TNR: variants seen among roughly 807,000 people sequenced by gnomAD.
TNR encodes tenascin R, also known as tenascin-R.
Under a neutral mutation model 150.4 loss-of-function variants are expected in TNR, and 45 were observed. That is an observed-to-expected ratio of 0.30 (90% CI 0.24 to 0.38). The LOEUF (loss-of-function observed/expected upper bound fraction) is 0.38. TNR is among the 10% of genes least tolerant of loss of function. The pLI is 1.00. For missense variants in TNR, 1,544 were observed against 1,759.1 expected, an observed-to-expected ratio of 0.88 and a Z score of 2.19; for synonymous variants, 687 against 678.4, an observed-to-expected ratio of 1.01 and a Z score of -0.20.
intron 1 of TNR, among the ~76,000 whole-genome samples, chr1:175,722,752 C>A (rs1461836556): frequency 6.7e-6 from 1 of 149,672 alleles, no homozygotes; most frequent in Non-Finnish European, 1.5e-5. Flanking sequence ...CAGGCATGAG[C>A]CACTGTGCCT....
Position 175,344,525 on chromosome 1 carries a change from C to A in TNR, c.3383-6846G>T, listed in dbSNP as rs188013380. Among the ~76,000 whole-genome samples the A allele has an allele frequency of 3.2e-4, 49 of 152,278 alleles. No homozygotes were observed. The East Asian group carries it at 8.5e-3, about 26-fold the overall frequency. On this transcript the variant is annotated intron_variant, in intron 18 of 22. Transcript: ENST00000367674. ...TATTATTGCTTGGCAAGATTCACTG[C>A]CTCCCTGTGGGGGATCACATGTCCC... is the stretch of plus-strand genomic sequence containing the variant.
At chr1:175,704,636 T>C (rs190352675) in intron 1 of TNR, among the ~76,000 whole-genome samples, 257 of 151,516 alleles carry the variant, frequency 1.7e-3, no homozygotes, top group African/African-American at 6.0e-3. Context: ...GCAGGGGAGG[T>C]GATGCAGAAG....
rs1651887569 is a variant in TNR, at chr1:175,367,233, C to A, written c.2028G>T (p.Val676=). 3.1e-6 allele frequency: 5 copies of A among 1,614,164 alleles called. No individual in the cohort carries two copies. Among genetic ancestry groups the A allele is most frequent in the Non-Finnish European group, 3.4e-6 (4 of 1,180,000 alleles). The change falls in exon 10 of 23, where the codon GTG becomes GTT. Residue 676 remains valine, a synonymous_variant. Coordinates refer to ENST00000367674, the MANE Select transcript of TNR (RefSeq NM_003285.3). ...CAGTCCTGGCATTCATGGTGGCTGG[C>A]ACGCTTTGCTGTGAGTTCATGACGG... ...ISAVMNSQQS[V]PATMNARTEL... is the part of the protein sequence containing the mutation.
At position 175,331,078 on chromosome 1, in the gene TNR, C is replaced by CTTCTTCTTTCTTTCTTTCTTTCT. The variant is rs1557868076; in HGVS notation, c.3632-844_3632-843insAGAAAGAAAGAAAGAAAGAAGAA. Among the ~76,000 whole-genome samples the CTTCTTCTTTCTTTCTTTCTTTCT allele has an allele frequency of 7.9e-3, 472 of 60,032 alleles. 26 individuals are homozygous for CTTCTTCTTTCTTTCTTTCTTTCT. The highest frequency in any genetic ancestry group is 0.038 in the Middle Eastern group (5 of 132). The allele number at this position is 60,032 out of a possible 152,430, so 39.4% of individuals were successfully genotyped here. On this transcript the variant is annotated intron_variant, in intron 20 of 22. Transcript: ENST00000367674. ...CTTTCTTTCTTTCTTTCTTTCTTTC[C>CTTCTTCTTTCTTTCTTTCTTTCT]TTCTTTCTTTCTTTCTTTCTTTCTC... is the stretch of plus-strand genomic sequence containing the variant.
At chr1:175,688,138 G>A (rs1419650531) in intron 1 of TNR, among the ~76,000 whole-genome samples, 1 of 152,096 alleles carries the variant, frequency 6.6e-6, no homozygotes, top group Non-Finnish European at 1.5e-5. Context: ...CAATAACTAG[G>A]GCCCTGGATG....
intron 14 of TNR, among the ~76,000 whole-genome samples, chr1:175,361,406 A>G (rs1386890174): frequency 1.3e-5 from 2 of 152,158 alleles, no homozygotes; most frequent in South Asian, 2.1e-4. Flanking sequence ...TCTGGCCAAC[A>G]CTTGTTGATA....
At chr1:175,657,226 T>C (rs1571721539) in intron 1 of TNR, among the ~76,000 whole-genome samples, 1 of 152,100 alleles carries the variant, frequency 6.6e-6, no homozygotes, top group Non-Finnish European at 1.5e-5. Context: ...TGAGATACCA[T>C]CTCAAACCAG....
At chr1:175,414,993 T>C (rs1261406851) in intron 2 of TNR, among the ~76,000 whole-genome samples, 1 of 151,256 alleles carries the variant, frequency 6.6e-6, no homozygotes, top group African/African-American at 2.4e-5. Context: ...TGAAGGTTGT[T>C]GGGCAGGGAA....
intron 2 of TNR, among the ~76,000 whole-genome samples, chr1:175,470,171 A>C (rs1343059944): frequency 6.6e-6 from 1 of 152,178 alleles, no homozygotes; most frequent in Non-Finnish European, 1.5e-5. Context: ...TAAGCAGCTG[A>C]TATGTGGATC....
intron 1 of TNR, among the ~76,000 whole-genome samples, chr1:175,555,117 T>A (rs1207747264): frequency 1.3e-5 from 2 of 152,170 alleles, no homozygotes; most frequent in Non-Finnish European, 2.9e-5. Context: ...AAAGAGGGAA[T>A]GGTAGATGTC....
At chr1:175,468,547 C>T (rs1657133253) in intron 2 of TNR, among the ~76,000 whole-genome samples, 1 of 152,112 alleles carries the variant, frequency 6.6e-6, no homozygotes, top group African/African-American at 2.4e-5. Flanking sequence ...GGCCAGGAGA[C>T]TATGAACACA....
At chr1:175,710,077 C>T (rs1204267637) in intron 1 of TNR, among the ~76,000 whole-genome samples, 1 of 151,976 alleles carries the variant, frequency 6.6e-6, no homozygotes, top group Non-Finnish European at 1.5e-5. Context: ...ATTCGAGGGT[C>T]ACTTAGGTTA....
chr1:175,434,673 C>T (rs1456954428), intron 2 of TNR, among the ~76,000 whole-genome samples: 2 of 152,140 alleles, frequency 1.3e-5, no homozygotes, highest in Non-Finnish European at 2.9e-5. Context: ...TACCTCTTAC[C>T]ACTCCTGGCC....
chr1:175,630,593 T>C (rs1179282358), intron 1 of TNR, among the ~76,000 whole-genome samples: 1 of 152,182 alleles, frequency 6.6e-6, no homozygotes, highest in African/African-American at 2.4e-5. Flanking sequence ...CTTTTATCTT[T>C]AGCAAATAGA....
At chr1:175,401,577 A>G (rs372487222) in intron 4 of TNR, among the ~76,000 whole-genome samples, 48 of 152,302 alleles carry the variant, frequency 3.2e-4, no homozygotes, top group African/African-American at 1.1e-3. Context: ...GATATGGAAA[A>G]AATTAAGGAA....
chr1:175,645,043 C>T (rs1394521480), intron 1 of TNR, among the ~76,000 whole-genome samples: 1 of 152,120 alleles, frequency 6.6e-6, no homozygotes, highest in Non-Finnish European at 1.5e-5. Context: ...TTATTGAGTG[C>T]TAACTGGGTG....
chr1:175,380,321 A>C (rs1425373560), intron 8 of TNR, among the ~76,000 whole-genome samples: 1 of 134,556 alleles, frequency 7.4e-6, no homozygotes, highest in African/African-American at 2.9e-5. Context: ...ACCATGAGCA[A>C]GTCTTTTAAC....
intron 1 of TNR, among the ~76,000 whole-genome samples, chr1:175,539,871 A>G (rs116715729): frequency 1.0e-3 from 155 of 152,342 alleles, no homozygotes; most frequent in African/African-American, 3.7e-3. Flanking sequence ...ACACTATAGC[A>G]TAAACTAGTC....
At chr1:175,644,340 G>C (rs1409928016) in intron 1 of TNR, among the ~76,000 whole-genome samples, 2 of 152,184 alleles carry the variant, frequency 1.3e-5, no homozygotes, top group Non-Finnish European at 2.9e-5. Flanking sequence ...CTGCAATCAA[G>C]AATACGTTTC....
Sources: allele counts gnomAD v4.1 joint callset (sites outside exome capture counted in the v4.1 genomes callset), GRCh38; gene constraint gnomAD v4.1.1; transcripts MANE v1.5; gene names NCBI Gene and HGNC (gene_info 2026-07-23, HGNC 2026-07-21).